KLRG1: variants seen among roughly 807,000 people sequenced by gnomAD.
KLRG1 encodes the protein killer cell lectin-like receptor subfamily G member 1.
KLRG1 carries 16 observed loss-of-function variants against 21.8 expected under a neutral mutation model. That is an observed-to-expected ratio of 0.73 (90% confidence interval 0.50 to 1.11). The LOEUF is 1.11. Ranked by LOEUF, KLRG1 falls within the 50% of genes most tolerant of loss-of-function variation. KLRG1 has a pLI of 0.00. For missense variants in KLRG1, 173 were observed against 218.3 expected (o/e 0.79, Z 1.31); for synonymous variants, 69 against 75.9 (o/e 0.91, Z 0.47).
At chr12:9,157,316 C>T in the KLRG1 span, 5 of 1,613,906 alleles carry the variant, frequency 3.1e-6, no homozygotes, top group Admixed American at 1.7e-5. Context: ...ACATTCCAGG[C>T]TGACTCCAGG....
the KLRG1 span, chr12:9,151,563 C>T: frequency 5.8e-5 from 89 of 1,544,554 alleles, 2 homozygotes; most frequent in African/African-American, 7.5e-4. Context: ...CTTAGAAAGA[C>T]GACCCATATG....
At chr12:9,017,264 C>CAAAAAAAAAAAAAAAAAAAAAAAAAA in the KLRG1 span, among the ~76,000 whole-genome samples, 4 of 53,130 alleles carry the variant, frequency 7.5e-5, 1 homozygote, top group East Asian at 9.6e-4. Flanking sequence ...AACTCCATCT[C>CAAAAAAAAAAAAAAAAAAAAAAAAAA]AAAAAAAAAA....
chr12:9,025,968 C>T, the KLRG1 span, among the ~76,000 whole-genome samples: 1 of 152,152 alleles, frequency 6.6e-6, no homozygotes, highest in East Asian at 1.9e-4. Flanking sequence ...GAAAGAGAGG[C>T]ATCTGCCTAG....
chr12:8,975,527 T>C (rs1946643671), intron 1 of KLRG1, among the ~76,000 whole-genome samples: 1 of 152,150 alleles, frequency 6.6e-6, no homozygotes, highest in Admixed American at 6.6e-5. Context: ...TCATTTTTTA[T>C]TTTATTTGTG....
intron 1 of KLRG1, among the ~76,000 whole-genome samples, chr12:8,960,962 C>A (rs1173970256): frequency 6.6e-6 from 1 of 152,086 alleles, no homozygotes; most frequent in East Asian, 1.9e-4. Context: ...AAATTTCTAC[C>A]CTGATTATCA....
In KLRG1 at chr12:8,989,624, T is replaced by G. The variant is rs1484938864; in HGVS notation, c.-12T>G. 1 of 1,576,202 alleles carries G rather than the reference T, an allele frequency of 6.3e-7. No individual in the cohort carries two copies. Among genetic ancestry groups the G allele is most frequent in the Non-Finnish European group, 8.7e-7 (1 of 1,147,630 alleles). ...AACTCTCTCAACTGCATGTGAAAGA[T>G]CTTAGCTGAAGATGACTGACAGTGT... On this transcript the variant is annotated 5_prime_UTR_variant, in exon 1 of 5. Coordinates refer to ENST00000356986, the MANE Select transcript of KLRG1 (RefSeq NM_005810.4).
At chr12:9,007,465 T>C (rs550198592) in intron 3 of KLRG1, among the ~76,000 whole-genome samples, 14 of 152,138 alleles carry the variant, frequency 9.2e-5, no homozygotes, top group Non-Finnish European at 1.9e-4. Context: ...ACAGGCTTTT[T>C]GTACCACATT....
At chr12:8,950,870 C>A (rs926514826) in intron 1 of KLRG1, among the ~76,000 whole-genome samples, 6 of 151,850 alleles carry the variant, frequency 4.0e-5, no homozygotes, top group Non-Finnish European at 8.8e-5. Context: ...ACCGTGGGTC[C>A]CAAGCTATTA....
At chr12:9,103,334 TTAA>T in the KLRG1 span, among the ~76,000 whole-genome samples, 1 of 152,210 alleles carries the variant, frequency 6.6e-6, no homozygotes, top group Admixed American at 6.5e-5. Context: ...AGTTAATTCC[TTAA>T]AATAGGGTTG....
the KLRG1 span, among the ~76,000 whole-genome samples, chr12:9,095,329 G>GA: frequency 1.7e-4 from 26 of 152,116 alleles, no homozygotes; most frequent in African/African-American, 5.1e-4. Flanking sequence ...TAATTCCTGT[G>GA]AAAAAAGAAA....
the KLRG1 span, among the ~76,000 whole-genome samples, chr12:9,145,914 A>T: frequency 6.6e-6 from 1 of 152,180 alleles, no homozygotes; most frequent in Non-Finnish European, 1.5e-5. Flanking sequence ...TGATCATCTT[A>T]TCAGGCATCT....
the KLRG1 span, among the ~76,000 whole-genome samples, chr12:9,159,310 C>T: frequency 2.6e-5 from 4 of 152,242 alleles, no homozygotes; most frequent in South Asian, 8.3e-4. Flanking sequence ...ATGTTTGCTC[C>T]TGACACATTT....
At chr12:9,164,824 C>G in the KLRG1 span, among the ~76,000 whole-genome samples, 1 of 152,168 alleles carries the variant, frequency 6.6e-6, no homozygotes. Flanking sequence ...TCTCGTGGAA[C>G]TGAGAAAGCT....
At chr12:9,048,794 C>G in the KLRG1 span, among the ~76,000 whole-genome samples, 35,372 of 152,124 alleles carry the variant, frequency 0.23, 4,818 homozygotes, top group East Asian at 0.33. Context: ...GATGTCTACT[C>G]TTACTACTCC....
chr12:8,978,393 G>T (rs1384570672), intron 1 of KLRG1, among the ~76,000 whole-genome samples: 1 of 152,082 alleles, frequency 6.6e-6, no homozygotes, highest in Non-Finnish European at 1.5e-5. Flanking sequence ...TCACTATGTT[G>T]CCCAGATGTG....
the KLRG1 span, chr12:9,192,127 CTG>C: frequency 1.5e-3 from 1,993 of 1,351,050 alleles, 1 homozygote; most frequent in Non-Finnish European, 2.0e-3. Context: ...CATTTATGAA[CTG>C]TCACCGAGGG....
At chr12:9,152,554 G>A in the KLRG1 span, among the ~76,000 whole-genome samples, 6 of 152,230 alleles carry the variant, frequency 3.9e-5, no homozygotes, top group South Asian at 1.0e-3. Context: ...AAAATCTTTG[G>A]TAGTGAATCT....
chr12:9,036,798 T>G, the KLRG1 span: 5 of 413,990 alleles, frequency 1.2e-5, no homozygotes. Context: ...AATCTATGCT[T>G]CAGCTGTCTT....
intron 1 of KLRG1, among the ~76,000 whole-genome samples, chr12:8,982,512 G>T (rs550570852): frequency 1.3e-5 from 2 of 152,288 alleles, no homozygotes; most frequent in South Asian, 4.1e-4. Flanking sequence ...GCAGTGATAA[G>T]AAACTAACAC....
Sources: allele counts gnomAD v4.1 joint callset (sites outside exome capture counted in the v4.1 genomes callset), GRCh38; gene constraint gnomAD v4.1.1; transcripts MANE v1.5; gene names NCBI Gene and HGNC (gene_info 2026-07-23, HGNC 2026-07-21).